GPAT4: variants seen among roughly 807,000 people sequenced by gnomAD.
The protein encoded by GPAT4 is glycerol-3-phosphate acyltransferase 4.
A neutral mutation model predicts 58.0 loss-of-function variants in GPAT4; 17 were observed. The ratio of observed to expected loss-of-function variants is 0.29; its 90% CI spans 0.20 to 0.44. The LOEUF (loss-of-function observed/expected upper bound fraction) is 0.44, where lower values mean the gene tolerates loss of function less well. GPAT4 is among the 20% of genes least tolerant of loss of function. The pLI, the probability that GPAT4 is intolerant of heterozygous loss-of-function variation, is 1.00. For missense variants in GPAT4, 377 were observed against 574.5 expected (o/e 0.66, Z 3.51); for synonymous variants, 204 against 210.1 (o/e 0.97, Z 0.25).
chr8:41,584,235 A>G (rs1366924283), intron 1 of GPAT4, among the ~76,000 whole-genome samples: 1 of 152,160 alleles, frequency 6.6e-6, no homozygotes, highest in Non-Finnish European at 1.5e-5. Flanking sequence ...ATTGGTGAAG[A>G]TGTGGAACAA....
intron 1 of GPAT4, among the ~76,000 whole-genome samples, chr8:41,579,099 A>G (rs1354647267): frequency 2.0e-5 from 3 of 152,228 alleles, no homozygotes; most frequent in Non-Finnish European, 4.4e-5. Context: ...ATCCAAGGGA[A>G]ATGGTGTGAA....
At position 41,618,926 on chromosome 8, in the gene GPAT4, A is replaced by C; in HGVS notation, c.1211A>C (p.Asn404Thr). 1 of 1,614,214 alleles carries C rather than the reference A, an allele frequency of 6.2e-7. No homozygotes were observed. The highest frequency in any genetic ancestry group is 8.5e-7 in the Non-Finnish European group (1 of 1,180,044). The change falls in exon 12 of 13, where the codon AAT (asparagine) becomes ACT (threonine). Residue 404 changes from asparagine (N) to threonine (T), a missense_variant. Asn to Thr is a moderately conservative substitution (Grantham distance 65). Coordinates refer to ENST00000396987, the MANE Select transcript of GPAT4 (RefSeq NM_178819.4). ...GATGAAGATGCTGTCCAGTTTGCGA[A>C]TAGGGTGAAATCTGCCATTGCCAGG... is the stretch of plus-strand genomic sequence containing the variant. ...EADEDAVQFA[N>T]RVKSAIARQG...
At chr8:41,610,241 T>C in intron 4 of GPAT4, 4 of 1,296,982 alleles carry the variant, frequency 3.1e-6, no homozygotes, top group Non-Finnish European at 3.9e-6. Flanking sequence ...TGCCACTCCT[T>C]CCTGGACATG....
At chr8:41,609,391 G>GT in intron 2 of GPAT4, 25 bp from the exon 3 acceptor site, 1 of 1,609,866 alleles carries the variant, frequency 6.2e-7, no homozygotes, top group Non-Finnish European at 8.5e-7. Context: ...TCTTGCTCTT[G>GT]TATCTTGCTT....
chr8:41,614,501 A>G (rs932645172), intron 9 of GPAT4, 60 bp downstream of exon 9: 1 of 1,540,662 alleles, frequency 6.5e-7, no homozygotes, highest in African/African-American at 1.4e-5. Flanking sequence ...TGTGATGCTG[A>G]TGTTTCCTGG....
intron 1 of GPAT4, among the ~76,000 whole-genome samples, chr8:41,582,476 C>T (rs899514724): frequency 4.0e-5 from 4 of 100,252 alleles, no homozygotes; most frequent in East Asian, 5.7e-4. Context: ...CACACACACA[C>T]ATCTTTCTTT....
At chr8:41,594,829 G>A (rs1802883638) in intron 1 of GPAT4, among the ~76,000 whole-genome samples, 1 of 152,202 alleles carries the variant, frequency 6.6e-6, no homozygotes, top group East Asian at 1.9e-4. Context: ...TCAGGCGTAA[G>A]CCACCGTGCC....
In GPAT4 at chr8:41,620,985, A is replaced by C. The variant is rs1585679996; in HGVS notation, c.1355A>C (p.Asp452Ala). 6.4e-7 allele frequency: 1 copy of C among 1,551,142 alleles called. No homozygotes were observed. Residue 452 changes from aspartate to alanine, a missense_variant, in exon 13 of 13, where the codon GAC (aspartate) becomes GCC (alanine). Physicochemically the swap from Asp to Ala is moderately radical, Grantham distance 126 (BLOSUM62 -2). Coordinates refer to ENST00000396987, the MANE Select transcript of GPAT4 (RefSeq NM_178819.4). ...AAGATGATCGTGGGGAACCACAAGG[A>C]CAGGAGCCGCTCCTGAGCCTGCCTC... ...YSKMIVGNHK[D>A]RSRS
At position 41,581,993 on chromosome 8, in the gene GPAT4, A is replaced by ATTTTTTTTT. The variant is rs71230849; in HGVS notation, c.-849+3739_-849+3747dup. ...AGCTTAAATCAAGGGAAGTTCAATG[A>ATTTTTTTTT]TTTTTTTTTTTTTTTTTTTTTTTTT... On this transcript the variant is annotated intron_variant, in intron 1 of 12. Coordinates refer to ENST00000396987, the MANE Select transcript of GPAT4 (RefSeq NM_178819.4). 2.8e-4 allele frequency among the ~76,000 whole-genome samples: 18 copies of ATTTTTTTTT among 63,604 alleles called. 1 individual carries two copies. Among genetic ancestry groups the ATTTTTTTTT allele is most frequent in the African/African-American group, 5.7e-4 (9 of 15,910 alleles). 41.7% of individuals were successfully genotyped at this position (63,604 alleles called of 152,430 possible).
intron 1 of GPAT4, among the ~76,000 whole-genome samples, chr8:41,580,247 C>T (rs912317843): frequency 5.3e-5 from 8 of 152,014 alleles, no homozygotes; most frequent in Admixed American, 3.3e-4. Flanking sequence ...AGTGGTATAC[C>T]AGTTTGAGAA....
chr8:41,618,686 T>C lies in GPAT4; in HGVS notation c.1056T>C (p.Tyr352=). ...CTCCAGCTTTCCATTGTTTTCAGTA[T>C]GACCCTCAATTTGGCGATGCCTTCT... is the stretch of plus-strand genomic sequence containing the variant. ...GATVYPVAIK[Y]DPQFGDAFWN... The change falls in exon 11 of 13, where the codon TAT becomes TAC. Residue 352 remains tyrosine, a splice_region_variant and synonymous_variant. Transcript: ENST00000396987. 1.5e-5 allele frequency: 25 copies of C among 1,614,116 alleles called. No individual in the cohort carries two copies. Among genetic ancestry groups the C allele is most frequent in the Non-Finnish European group, 2.1e-5 (25 of 1,180,030 alleles).
chr8:41,579,959 A>C (rs1307832891), intron 1 of GPAT4, among the ~76,000 whole-genome samples: 1 of 152,230 alleles, frequency 6.6e-6, no homozygotes, highest in African/African-American at 2.4e-5. Context: ...TGACTTGTCC[A>C]GAGCTGCAGG....
chr8:41,605,443 A>G (rs1803231723), intron 2 of GPAT4, among the ~76,000 whole-genome samples: 1 of 152,246 alleles, frequency 6.6e-6, no homozygotes, highest in African/African-American at 2.4e-5. Context: ...AATATTGTTT[A>G]GAGATGGCAC....
chr8:41,609,515 G>C, intron 3 of GPAT4, 30 bp downstream of exon 3: 1 of 1,612,458 alleles, frequency 6.2e-7, no homozygotes, highest in Non-Finnish European at 8.5e-7. Context: ...CTTGTCCTGA[G>C]AGGTCCATTT....
At chr8:41,601,764 T>A (rs1803104895) in intron 2 of GPAT4, among the ~76,000 whole-genome samples, 1 of 152,256 alleles carries the variant, frequency 6.6e-6, no homozygotes. Context: ...ACTTTAAAGT[T>A]TATAGCCAAA....
intron 2 of GPAT4, among the ~76,000 whole-genome samples, chr8:41,605,382 A>T (rs1477392189): frequency 6.6e-6 from 1 of 152,256 alleles, no homozygotes; most frequent in East Asian, 1.9e-4. Context: ...GGATCCTAAA[A>T]GGGAGAAGGA....
At chr8:41,583,592 T>C (rs1802580109) in intron 1 of GPAT4, among the ~76,000 whole-genome samples, 1 of 152,248 alleles carries the variant, frequency 6.6e-6, no homozygotes, top group African/African-American at 2.4e-5. Flanking sequence ...ATGCATTTTT[T>C]TCATGCTAAG....
At chr8:41,604,830 C>A (rs1803215376) in intron 2 of GPAT4, among the ~76,000 whole-genome samples, 1 of 152,168 alleles carries the variant, frequency 6.6e-6, no homozygotes. Flanking sequence ...TTGGGTCAGG[C>A]AGCTGTTACC....
intron 1 of GPAT4, among the ~76,000 whole-genome samples, chr8:41,589,680 T>C (rs995280840): frequency 6.6e-6 from 1 of 152,150 alleles, no homozygotes; most frequent in South Asian, 2.1e-4. Context: ...TGCAGGTGTT[T>C]ACTGGTTTGG....
Sources: allele counts gnomAD v4.1 joint callset (sites outside exome capture counted in the v4.1 genomes callset), GRCh38; gene constraint gnomAD v4.1.1; transcripts MANE v1.5; gene names NCBI Gene and HGNC (gene_info 2026-07-23, HGNC 2026-07-21).